Variants in MYO1E observed in about 807,000 individuals in gnomAD.
MYO1E encodes myosin IE, also known as unconventional myosin-Ie.
Under a neutral mutation model 151.1 loss-of-function variants are expected in MYO1E, and 68 were observed. That is an observed-to-expected ratio of 0.45 (90% CI 0.37 to 0.55). The LOEUF (loss-of-function observed/expected upper bound fraction) is 0.55. Among genes scored for constraint, MYO1E ranks in the 20% least tolerant of loss-of-function variants. The probability of loss-of-function intolerance (pLI) is 0.00; values close to 1 mark genes in which losing one functional copy is unlikely to be tolerated. For missense variants in MYO1E, 1,363 were observed against 1,389.3 expected, an observed-to-expected ratio of 0.98 and a Z score of 0.30; for synonymous variants, 601 against 501.7, an observed-to-expected ratio of 1.20 and a Z score of -2.64.
chr15:59,138,099 A>C lies in MYO1E; in HGVS notation c.3250+99T>G, dbSNP rs535346426. On this transcript the variant is annotated intron_variant, in intron 27 of 27. Transcript: ENST00000288235. Reference sequence around the variant, plus strand: ...ACCTGCCTCTACAAATTGCAGTTTGAGGAGCCCATAAATTCTTTTCATTTT... The same window carrying C: ...ACCTGCCTCTACAAATTGCAGTTTGCGGAGCCCATAAATTCTTTTCATTTT... The C allele has an allele frequency of 1.5e-5, 21 of 1,442,586 alleles. 1 individual carries two copies. In the South Asian group the frequency reaches 2.2e-4, roughly 15 times the overall value. The allele number at this position is 1,442,586 out of a possible 1,614,324, so 89.4% of individuals were successfully genotyped here.
intron 27 of MYO1E, 66 bp from the exon 28 acceptor site, chr15:59,137,522 T>TC (rs1596337395): frequency 7.9e-7 from 1 of 1,264,984 alleles, no homozygotes; most frequent in Non-Finnish European, 1.2e-6. Context: ...CCACACACAC[T>TC]CCGCTCCCAT....
At chr15:59,298,895 C>A (rs554717032) in intron 1 of MYO1E, among the ~76,000 whole-genome samples, 1 of 152,326 alleles carries the variant, frequency 6.6e-6, no homozygotes, top group South Asian at 2.1e-4. Flanking sequence ...CTGGGATAAC[C>A]ATTAAACATT....
intron 17 of MYO1E, among the ~76,000 whole-genome samples, chr15:59,192,926 G>A (rs1188939318): frequency 6.6e-6 from 1 of 152,130 alleles, no homozygotes; most frequent in Non-Finnish European, 1.5e-5. Flanking sequence ...CAGACTGACA[G>A]CCACTGTCTG....
At chr15:59,303,645 G>T (rs948088441) in intron 1 of MYO1E, among the ~76,000 whole-genome samples, 1 of 152,232 alleles carries the variant, frequency 6.6e-6, no homozygotes, top group Non-Finnish European at 1.5e-5. Context: ...GGAGTAAGCA[G>T]CATAATCCCA....
chr15:59,179,093 G>A (rs543703537), intron 18 of MYO1E, among the ~76,000 whole-genome samples: 4 of 152,150 alleles, frequency 2.6e-5, no homozygotes, highest in South Asian at 2.1e-4. Context: ...GCATTTCTTC[G>A]AGAATGGCCT....
At chr15:59,181,796 T>C (rs569203733) in intron 18 of MYO1E, among the ~76,000 whole-genome samples, 1 of 152,356 alleles carries the variant, frequency 6.6e-6, no homozygotes, top group East Asian at 1.9e-4. Flanking sequence ...ATGTGGATAG[T>C]TGTGCTGGGT....
chr15:59,255,368 C>CCAACTGGAGTTTGAGACCAG (rs2080188125), intron 4 of MYO1E, among the ~76,000 whole-genome samples: 1 of 151,958 alleles, frequency 6.6e-6, no homozygotes. Context: ...GTGAGCCACC[C>CCAACTGGAGTTTGAGACCAG]CAACTGGAGT....
chr15:59,310,876 T>C (rs1163501880), intron 1 of MYO1E, among the ~76,000 whole-genome samples: 1 of 152,104 alleles, frequency 6.6e-6, no homozygotes, highest in African/African-American at 2.4e-5. Context: ...AAAGAACAAA[T>C]GTGATTTTGT....
Position 59,205,502 on chromosome 15 carries a change from A to G in MYO1E, c.1531-17T>C, listed in dbSNP as rs751731268. 1.8e-5 allele frequency: 27 copies of G among 1,532,258 alleles called. No individual in the cohort carries two copies. Among genetic ancestry groups the G allele is most frequent in the Non-Finnish European group, 2.4e-5 (27 of 1,121,428 alleles). The allele number at this position is 1,532,258 out of a possible 1,614,324, so 94.9% of individuals were successfully genotyped here. ...ATAGGATACCTGGCCAAGAATGGAA[A>G]GAAATCGAATTTCATTGAACAAAAT... On this transcript the variant is annotated splice_polypyrimidine_tract_variant and intron_variant, in intron 14 of 27. Coordinates refer to ENST00000288235, the MANE Select transcript of MYO1E (RefSeq NM_004998.4).
intron 1 of MYO1E, among the ~76,000 whole-genome samples, chr15:59,298,133 C>T (rs143706949): frequency 1.4e-4 from 22 of 152,278 alleles, no homozygotes; most frequent in African/African-American, 5.3e-4. Context: ...ATTACAAATG[C>T]AAAGTGATTT....
At position 59,137,454 on chromosome 15, in the gene MYO1E, G is replaced by T. The variant is rs746946170; in HGVS notation, c.3253C>A (p.Pro1085Thr). ...AGTCGACCCGTCCACCAGCCAGAAG[G>T]ATCTGCAGGGAGAGAGAGGTGGTGG... ...NDIIDIIKED[P>T]SGWWTGRLRG... The change falls in exon 28 of 28, where the codon CCT becomes ACT. Residue 1085 changes from proline to threonine, a missense_variant and splice_region_variant. Physicochemically the swap from Pro to Thr is conservative, Grantham distance 38. Coordinates refer to ENST00000288235, the MANE Select transcript of MYO1E (RefSeq NM_004998.4). 2 of 1,613,930 alleles carry T rather than the reference G, an allele frequency of 1.2e-6. No homozygotes were observed. The highest frequency in any genetic ancestry group is 1.7e-5 in the Admixed American group (1 of 60,010).
chr15:59,137,694 C>T (rs1284279194), intron 27 of MYO1E, among the ~76,000 whole-genome samples: 1 of 152,246 alleles, frequency 6.6e-6, no homozygotes, highest in Non-Finnish European at 1.5e-5. Flanking sequence ...CTGGCTTCCA[C>T]TCCATCCACT....
At position 59,207,091 on chromosome 15, in the gene MYO1E, G is replaced by A. The variant is rs1294180744; in HGVS notation, c.1530+1590C>T. 5.0e-6 allele frequency: 8 copies of A among 1,614,120 alleles called. No individual in the cohort carries two copies. In the African/African-American group the frequency reaches 9.3e-5, roughly 19 times the overall value. On this transcript the variant is annotated intron_variant, in intron 14 of 27. Transcript: ENST00000288235. ...GCTCTTCACCCCCGTGAGCAAGATG[G>A]CGACTGTGAAGAGTGAGCTTATTGA... is the stretch of plus-strand genomic sequence containing the variant.
chr15:59,349,543 T>A (rs775016770), intron 1 of MYO1E, among the ~76,000 whole-genome samples: 1 of 152,202 alleles, frequency 6.6e-6, no homozygotes, highest in Non-Finnish European at 1.5e-5. Context: ...TGAGAAATCA[T>A]CCTCATCCTT....
At chr15:59,283,580 G>A (rs1258848778) in intron 1 of MYO1E, among the ~76,000 whole-genome samples, 3 of 152,186 alleles carry the variant, frequency 2.0e-5, no homozygotes, top group Non-Finnish European at 4.4e-5. Context: ...CCAAGTATTT[G>A]TTGAATGAAT....
At chr15:59,160,310 G>C (rs975494743) in intron 24 of MYO1E, among the ~76,000 whole-genome samples, 1 of 150,560 alleles carries the variant, frequency 6.6e-6, no homozygotes, top group African/African-American at 2.4e-5. Context: ...GCCAGGGAAG[G>C]AGTTAGACTG....
At chr15:59,354,345 C>A (rs2080841861) in intron 1 of MYO1E, among the ~76,000 whole-genome samples, 1 of 152,220 alleles carries the variant, frequency 6.6e-6, no homozygotes, top group Non-Finnish European at 1.5e-5. Flanking sequence ...TAAACCAGAA[C>A]AGACACAACC....
rs568533558 is a variant in MYO1E at position 59,321,851 on chromosome 15, G to A, written c.4-49402C>T. ...ACTGCACTCCAGCCTGGGTGACAGA[G>A]TGAGACCCTGGCTCAAAAAAAGAAA... On this transcript the variant is annotated intron_variant, in intron 1 of 27. Transcript: ENST00000288235. Among the ~76,000 whole-genome samples the A allele has an allele frequency of 2.0e-5, 3 of 152,236 alleles. No homozygotes were observed. In the South Asian group the frequency reaches 6.2e-4, roughly 32 times the overall value.
chr15:59,182,658 TG>T (rs2079670720), intron 18 of MYO1E, among the ~76,000 whole-genome samples: 1 of 152,158 alleles, frequency 6.6e-6, no homozygotes, highest in South Asian at 2.1e-4. Context: ...AGCATTTCAG[TG>T]GAAGTTCCTC....
Sources: gnomAD v4.1 joint callset for allele counts (sites outside exome capture counted in the v4.1 genomes callset) on GRCh38, gnomAD v4.1.1 for gene constraint, MANE v1.5 for transcripts, NCBI Gene and HGNC (gene_info 2026-07-23, HGNC 2026-07-21) for gene names.